The following PHF23 variants were observed in gnomAD, a reference collection of about 807,000 sequenced individuals.
PHF23 encodes the protein PDH-containing protein JUNE-1.
PHF23 carries 3 observed loss-of-function variants against 36.0 expected under a neutral mutation model. The observed-to-expected ratio is 0.08, with a 90% CI of 0.04 to 0.22. PHF23 has a LOEUF of 0.22. Among genes scored for constraint, PHF23 ranks in the 10% least tolerant of loss-of-function variants. PHF23 has a pLI of 1.00. For missense variants in PHF23, 475 were observed against 513.6 expected, an observed-to-expected ratio of 0.92 and a Z score of 0.73; for synonymous variants, 242 against 192.5, an observed-to-expected ratio of 1.26 and a Z score of -2.13.
At chr17:7,238,687 G>T (rs1359607251) in intron 1 of PHF23, 3 of 902,688 alleles carry the variant, frequency 3.3e-6, no homozygotes, top group Non-Finnish European at 4.0e-6. Flanking sequence ...AGCTCGCCTC[G>T]CTTCCTGGCT....
rs2071688739 is a variant in PHF23, at chr17:7,237,318, G to A, written c.159+67C>T. ...TCCTTCTATAAAGCAATACAGTTCT[G>A]TTTGAACAACAGTCACTCTATAGTC... On this transcript the variant is annotated intron_variant, in intron 3 of 4. Coordinates refer to ENST00000320316, the MANE Select transcript of PHF23 (RefSeq NM_024297.3). The A allele has an allele frequency of 2.2e-6, 3 of 1,356,206 alleles. No homozygotes were observed. In the African/African-American group the frequency reaches 4.4e-5, roughly 20 times the overall value. 84.0% of individuals were successfully genotyped at this position (1,356,206 alleles called of 1,614,324 possible).
Position 7,235,643 on chromosome 17 carries a change from T to G in PHF23, c.1195A>C (p.Lys399Gln). 6.2e-7 allele frequency: 1 copy of G among 1,613,776 alleles called. No individual in the cohort carries two copies. Among genetic ancestry groups the G allele is most frequent in the Non-Finnish European group, 8.5e-7 (1 of 1,180,032 alleles). Residue 399 changes from lysine (K) to glutamine (Q), a missense_variant, in exon 5 of 5, where the codon AAA (lysine) becomes CAA (glutamine). Physicochemically the swap from Lys to Gln is moderately conservative, Grantham distance 53 (BLOSUM62 1). This residue lies in a region of PHF23 where 28 missense variants were observed against 24.6 expected (regional missense o/e 1.14). Transcript: ENST00000320316. ...PEARRLGGPP[K>Q]SGEP Reference sequence around the variant, plus strand: ...TGGTGCCATCAGGGCTCTCCAGATTTGGGAGGCCCCCCTAACCGCCGGGCC... The same window carrying G: ...TGGTGCCATCAGGGCTCTCCAGATTGGGGAGGCCCCCCTAACCGCCGGGCC...
intron 3 of PHF23, 108 bp downstream of exon 3, chr17:7,237,277 A>G (rs1370271713): frequency 6.9e-6 from 7 of 1,016,236 alleles, no homozygotes; most frequent in South Asian, 1.5e-5. Context: ...GGTCTTACAT[A>G]TAATTTCTAA....
chr17:7,237,243 G>A, intron 3 of PHF23, 142 bp downstream of exon 3: 1 of 773,492 alleles, frequency 1.3e-6, no homozygotes, highest in Non-Finnish European at 2.2e-6. Flanking sequence ...TCCTACCACA[G>A]CCCTAAGAGT....
chr17:7,236,867 T>C lies in PHF23; in HGVS notation c.160-100A>G. 1 of 1,481,886 alleles carries C rather than the reference T, an allele frequency of 6.7e-7. No individual in the cohort carries two copies. Among genetic ancestry groups the C allele is most frequent in the Non-Finnish European group, 8.9e-7 (1 of 1,126,376 alleles). 91.8% of individuals were successfully genotyped at this position (1,481,886 alleles called of 1,614,324 possible). On this transcript the variant is annotated intron_variant, in intron 3 of 4. Transcript: ENST00000320316. The surrounding 1 kb of genome is among the most constrained non-coding windows in gnomAD (Gnocchi z 5.1). The stretch of plus-strand genomic sequence containing the variant: ...AGGAGTGACTGGATTTACCCCAAAA[T>C]GTCCTACCTCAACCACTAAATCCCA...
At chr17:7,237,316 C>T in intron 3 of PHF23, 69 bp downstream of exon 3, 1 of 1,323,122 alleles carries the variant, frequency 7.6e-7, no homozygotes, top group South Asian at 1.3e-5. Flanking sequence ...CAATACAGTT[C>T]TGTTTGAACA....
chr17:7,239,052 A>G (rs1166890949), intron 1 of PHF23, 194 bp downstream of exon 1: 18 of 1,296,408 alleles, frequency 1.4e-5, no homozygotes, highest in Middle Eastern at 2.6e-4. Context: ...CTGATCTCCA[A>G]CTACCCCAGC....
rs1567582060 is a variant in PHF23, at chr17:7,236,797, A to G, written c.160-30T>C. 1 of 1,581,532 alleles carries G rather than the reference A, an allele frequency of 6.3e-7. No homozygotes were observed. Among genetic ancestry groups the G allele is most frequent in the African/African-American group, 1.3e-5 (1 of 74,236 alleles). ...AAAGGGGGAAGAGACCAGGGTCAGC[A>G]GAACCCCAGTGTCATCTCAGCCCCT... is the stretch of plus-strand genomic sequence containing the variant. On this transcript the variant is annotated intron_variant, in intron 3 of 4. Coordinates refer to ENST00000320316, the MANE Select transcript of PHF23 (RefSeq NM_024297.3). This position sits in a 1 kb window ranked among gnomAD's most constrained non-coding sequence, Gnocchi z 5.1.
chr17:7,237,795 G>T, intron 1 of PHF23, 135 bp from the exon 2 acceptor site: 1 of 1,035,882 alleles, frequency 9.7e-7, no homozygotes, highest in Non-Finnish European at 1.4e-6. Flanking sequence ...CCCCAGCTGT[G>T]TTGGATCCGC....
At position 7,237,464 on chromosome 17, in the gene PHF23, C is replaced by G. The variant is rs775481948; in HGVS notation, c.80G>C (p.Arg27Pro). ...LKPETQPPEK[R>P]RRTIEDFNKF... ...GTTGAAATCCTCAATTGTTCTCCGC[C>G]GTTTCTCTGGTGGCTGAAAGGAAGG... is the stretch of plus-strand genomic sequence containing the variant. The change falls in exon 3 of 5, where the codon CGG becomes CCG. Residue 27 changes from arginine (R) to proline (P), a missense_variant. By Grantham distance (103) the Arg-to-Pro change is moderately radical (BLOSUM62 -2). Around this residue, in one of 5 missense-constraint regions of PHF23, gnomAD observed 54 missense variants for 42.0 expected, o/e 1.28. Transcript: ENST00000320316. 2 of 1,614,022 alleles carry G rather than the reference C, an allele frequency of 1.2e-6. No individual in the cohort carries two copies. Among genetic ancestry groups the G allele is most frequent in the African/African-American group, 2.7e-5 (2 of 75,014 alleles).
Position 7,239,404 on chromosome 17 carries a change from A to C in PHF23, c.-125T>G. ...AAGTGTCCGCCTCAGCCCGGTTGAG[A>C]CTCGAGTCCGCTAGCCGCTGCCGCC... is the stretch of plus-strand genomic sequence containing the variant. On this transcript the variant is annotated 5_prime_UTR_variant, in exon 1 of 5. Transcript: ENST00000320316. 2.1e-6 allele frequency: 1 copy of C among 486,984 alleles called. No homozygotes were observed. The highest frequency in any genetic ancestry group is 3.7e-6 in the Non-Finnish European group (1 of 266,842). 30.2% of individuals were successfully genotyped at this position (486,984 alleles called of 1,614,324 possible).
intron 1 of PHF23, chr17:7,238,870 C>G: frequency 6.5e-7 from 1 of 1,534,364 alleles, no homozygotes; most frequent in East Asian, 2.4e-5. Context: ...CCTCGGCGAA[C>G]TACCGGGCCC....
upstream of PHF23, chr17:7,240,694 C>G: frequency 1.7e-6 from 1 of 601,722 alleles, no homozygotes; most frequent in Non-Finnish European, 3.0e-6. Context: ...CCACCATTAC[C>G]CCTCCTAAGA....
chr17:7,237,727 C>G (rs376397487), intron 1 of PHF23, 67 bp from the exon 2 acceptor site: 1 of 1,573,712 alleles, frequency 6.4e-7, no homozygotes, highest in African/African-American at 1.4e-5. Flanking sequence ...CCCTCTAAAC[C>G]CCGTTGTTCC....
chr17:7,236,145 T>A lies in PHF23; in HGVS notation c.782A>T (p.Glu261Val). 1 of 1,606,526 alleles carries A rather than the reference T, an allele frequency of 6.2e-7. No individual in the cohort carries two copies. Among genetic ancestry groups the A allele is most frequent in the Non-Finnish European group, 8.5e-7 (1 of 1,176,302 alleles). ...TTCACCCCCTACCACTGTTGCCATC[T>A]CTTCTTCTTCTTCCTCTTCCTCCTC... ...EEEEEEEEEEEMATVVGGEAP... is the reference protein window; with the variant it reads ...EEEEEEEEEEVMATVVGGEAP... The change falls in exon 4 of 5, where the codon GAG becomes GTG. Residue 261 changes from glutamate to valine, a missense_variant. Physicochemically the swap from Glu to Val is moderately radical, Grantham distance 121. Around this residue, in one of 5 missense-constraint regions of PHF23, gnomAD observed 350 missense variants for 319.8 expected, o/e 1.09. Transcript: ENST00000320316. The surrounding 1 kb of genome is among the most constrained non-coding windows in gnomAD (Gnocchi z 5.1).
rs781088918 is a variant in PHF23 at position 7,235,619 on chromosome 17, G to A, written c.*7C>T. On this transcript the variant is annotated 3_prime_UTR_variant, in exon 5 of 5. Transcript: ENST00000320316. ...CATTTGGAAGTTCCAGGCTAAAGTTGGTGCCATCAGGGCTCTCCAGATTTG... is the reference window on the plus strand; with the variant it reads ...CATTTGGAAGTTCCAGGCTAAAGTTAGTGCCATCAGGGCTCTCCAGATTTG... 2 of 1,611,964 alleles carry A rather than the reference G, an allele frequency of 1.2e-6. No individual in the cohort carries two copies. The highest frequency in any genetic ancestry group is 4.5e-5 in the East Asian group (2 of 44,886).
In PHF23 at chr17:7,237,609, AAAGGT is replaced by A. The variant is rs1171209948; in HGVS notation, c.66+15_66+19del. ...TTGTCAGGCAGGGCTACTAGGCTGCAAAGGTAAGGCAAACCTCACCTGAGTCTCTG... is the reference window on the plus strand; with the variant it reads ...TTGTCAGGCAGGGCTACTAGGCTGCAAAGGCAAACCTCACCTGAGTCTCTG... On this transcript the variant is annotated intron_variant, in intron 2 of 4. Coordinates refer to ENST00000320316, the MANE Select transcript of PHF23 (RefSeq NM_024297.3). 1 of 1,613,900 alleles carries A rather than the reference AAAGGT, an allele frequency of 6.2e-7. No homozygotes were observed. Among genetic ancestry groups the A allele is most frequent in the Non-Finnish European group, 8.5e-7 (1 of 1,179,946 alleles).
rs2071677896 is a variant in PHF23 at position 7,236,721 on chromosome 17, T to C, written c.206A>G (p.Glu69Gly). 2 of 1,613,794 alleles carry C rather than the reference T, an allele frequency of 1.2e-6. No homozygotes were observed. Among genetic ancestry groups the C allele is most frequent in the Non-Finnish European group, 1.7e-6 (2 of 1,179,966 alleles). ...ASGSSSPLRG[E>G]SAADSDGWDS... Reference sequence around the variant, plus strand: ...CCAGCCATCACTGTCGGCCGCACTCTCTCCTCGCAATGGAGAGCTGGAGCC... The same window carrying C: ...CCAGCCATCACTGTCGGCCGCACTCCCTCCTCGCAATGGAGAGCTGGAGCC... The change falls in exon 4 of 5, where the codon GAG becomes GGG. Residue 69 changes from glutamate to glycine, a missense_variant. By Grantham distance (98) the Glu-to-Gly change is moderately conservative (BLOSUM62 -2). Around this residue, in one of 5 missense-constraint regions of PHF23, gnomAD observed 350 missense variants for 319.8 expected, o/e 1.09. Transcript: ENST00000320316. The surrounding 1 kb of genome is among the most constrained non-coding windows in gnomAD (Gnocchi z 5.1).
In PHF23 at chr17:7,239,286, C is replaced by T; in HGVS notation, c.-7G>A. ...CCGCCATGGCTTCCAGCATCGCCCC[C>T]TCCCCTCCTCCCGGTCCGGCGCCCC... On this transcript the variant is annotated 5_prime_UTR_variant, in exon 1 of 5. Transcript: ENST00000320316. 1 of 1,442,048 alleles carries T rather than the reference C, an allele frequency of 6.9e-7. No individual in the cohort carries two copies. The highest frequency in any genetic ancestry group is 9.6e-7 in the Non-Finnish European group (1 of 1,037,490). 89.3% of individuals were successfully genotyped at this position (1,442,048 alleles called of 1,614,324 possible).
Sources: allele counts gnomAD v4.1 joint callset, GRCh38; gene constraint gnomAD v4.1.1; regional missense constraint gnomAD v4.1.1; non-coding constraint Gnocchi (gnomAD v3.1); transcripts MANE v1.5; gene names NCBI Gene and HGNC (gene_info 2026-07-23, HGNC 2026-07-21).